EIF2A: variants seen among roughly 807,000 people sequenced by gnomAD.
The protein encoded by EIF2A is 65 kDa eukaryotic translation initiation factor 2A.
In EIF2A, 62 loss-of-function variants were observed where a neutral mutation model predicts 75.2. The observed-to-expected ratio is 0.82, with a 90% confidence interval of 0.67 to 1.02. The LOEUF (loss-of-function observed/expected upper bound fraction) is 1.02, where lower values mean the gene tolerates loss of function less well. EIF2A is among the 50% of genes least tolerant of loss of function. The pLI, the probability that EIF2A is intolerant of heterozygous loss-of-function variation, is 0.00. For synonymous variants in EIF2A, 207 were observed against 239.0 expected (o/e 0.87, Z 1.23); for missense variants, 611 against 677.7 (o/e 0.90, Z 1.09).
intron 12 of EIF2A, among the ~76,000 whole-genome samples, chr3:150,582,321 A>G (rs974378561): frequency 2.1e-5 from 3 of 143,654 alleles, no homozygotes; most frequent in Non-Finnish European, 4.5e-5. Flanking sequence ...ATTTAATTTA[A>G]TTTTTTTTTT....
chr3:150,575,025 A>G (rs921994191), intron 10 of EIF2A, among the ~76,000 whole-genome samples: 1 of 152,224 alleles, frequency 6.6e-6, no homozygotes, highest in Admixed American at 6.5e-5. Flanking sequence ...TATAGTTGTT[A>G]CATGGTTACA....
chr3:150,579,675 AC>A (rs1725060183), intron 11 of EIF2A, among the ~76,000 whole-genome samples: 1 of 150,248 alleles, frequency 6.7e-6, no homozygotes, highest in Non-Finnish European at 1.5e-5. Flanking sequence ...GAATCGTGCC[AC>A]TGCACTCCAG....
chr3:150,549,621 A>AT (rs1445056973), intron 1 of EIF2A, among the ~76,000 whole-genome samples: 2 of 152,126 alleles, frequency 1.3e-5, no homozygotes, highest in Admixed American at 1.3e-4. Flanking sequence ...GAAAGAACAC[A>AT]TTTTTGCCAG....
chr3:150,566,249 T>C (rs1553743831), intron 6 of EIF2A: 1 of 152,234 alleles, frequency 6.6e-6, no homozygotes, highest in South Asian at 2.1e-4. Flanking sequence ...CATTCTAGGA[T>C]TAATTTGTAC....
At chr3:150,558,878 T>TATG (rs1723706505) in intron 3 of EIF2A, 1 of 152,824 alleles carries the variant, frequency 6.5e-6, no homozygotes, top group Admixed American at 6.5e-5. Flanking sequence ...TTATTAGTCT[T>TATG]ATGTATATAA....
chr3:150,572,275 T>C lies in EIF2A; in HGVS notation c.1129T>C (p.Cys377Arg), dbSNP rs202247562. ...PDGEHILTAT[C>R]APRLRVNNGY... The stretch of plus-strand genomic sequence containing the variant: ...TGGTGAGCATATTTTAACAGCTACA[T>C]GTGCTCCCAGGTTACGGGTTAATAA... Residue 377 changes from cysteine (C) to arginine (R), a missense_variant, in exon 10 of 14, where the codon TGT becomes CGT. Transcript: ENST00000460851. The C allele has an allele frequency of 4.0e-4, 648 of 1,613,990 alleles. No homozygotes were observed. Among genetic ancestry groups the C allele is most frequent in the Non-Finnish European group, 5.2e-4 (614 of 1,179,880 alleles).
chr3:150,569,841 A>G (rs1024101668), intron 9 of EIF2A, among the ~76,000 whole-genome samples: 1 of 152,154 alleles, frequency 6.6e-6, no homozygotes, highest in African/African-American at 2.4e-5. Flanking sequence ...GCCAATTGTA[A>G]TTAAGACAGT....
intron 2 of EIF2A, among the ~76,000 whole-genome samples, chr3:150,556,130 G>T (rs1170343991): frequency 6.6e-6 from 1 of 152,170 alleles, no homozygotes; most frequent in Non-Finnish European, 1.5e-5. Flanking sequence ...AACCAGTGGC[G>T]TTAGGAGATG....
rs761518939 is a variant in EIF2A, at chr3:150,572,377, G to T, written c.1231G>T (p.Val411Phe). ...GCCATCAAATGCAGAATTATGGCAG[G>T]TTTCTTGGCAGCCATTTTTGGATGG... ...DVPSNAELWQ[V>F]SWQPFLDGIF... Residue 411 changes from valine (V) to phenylalanine (F), a missense_variant, in exon 10 of 14, where the codon GTT (valine) becomes TTT (phenylalanine). Transcript: ENST00000460851. 1.5e-5 allele frequency: 25 copies of T among 1,613,826 alleles called. No individual in the cohort carries two copies. In the Admixed American group the frequency reaches 3.7e-4, roughly 24 times the overall value.
At chr3:150,573,920 C>T (rs1481869759) in intron 10 of EIF2A, among the ~76,000 whole-genome samples, 3 of 151,990 alleles carry the variant, frequency 2.0e-5, no homozygotes, top group Non-Finnish European at 4.4e-5. Context: ...TTTTAAAATG[C>T]GTTCGTTGGT....
chr3:150,564,936 CT>C (rs2107929287), intron 6 of EIF2A: 1 of 184,574 alleles, frequency 5.4e-6, no homozygotes, highest in African/African-American at 2.4e-5. Flanking sequence ...GTTCAAATTT[CT>C]ACTAATTGCA....
In EIF2A at chr3:150,583,997, T is replaced by G; in HGVS notation, c.*86T>G. The G allele has an allele frequency of 8.1e-7, 1 of 1,236,548 alleles. No homozygotes were observed. The highest frequency in any genetic ancestry group is 1.2e-6 in the Non-Finnish European group (1 of 868,828). The allele number at this position is 1,236,548 out of a possible 1,614,324, so 76.6% of individuals were successfully genotyped here. ...CATTGGTATACACAGAATATTCCTG[T>G]GCCCACACTTAATGTCAATCTATAA... On this transcript the variant is annotated 3_prime_UTR_variant, in exon 14 of 14. Coordinates refer to ENST00000460851, the MANE Select transcript of EIF2A (RefSeq NM_032025.5).
intron 1 of EIF2A, among the ~76,000 whole-genome samples, chr3:150,548,679 C>G (rs1214563854): frequency 6.6e-6 from 1 of 152,202 alleles, no homozygotes; most frequent in African/African-American, 2.4e-5. Flanking sequence ...TCTGTTTAGA[C>G]TATCCTTTTA....
intron 11 of EIF2A, among the ~76,000 whole-genome samples, chr3:150,577,894 C>G (rs1011273374): frequency 6.6e-6 from 1 of 152,048 alleles, no homozygotes; most frequent in African/African-American, 2.4e-5. Flanking sequence ...TTAGAAAAAC[C>G]ATTCTGTTCA....
At chr3:150,563,431 C>T (rs1232644518) in intron 4 of EIF2A, 84 bp from the exon 5 acceptor site, 15 of 1,021,376 alleles carry the variant, frequency 1.5e-5, no homozygotes, top group Non-Finnish European at 2.0e-5. Flanking sequence ...TGATAGTAAT[C>T]CATATCAAAC....
chr3:150,556,228 A>C (rs1190758648), intron 2 of EIF2A, among the ~76,000 whole-genome samples: 1 of 152,178 alleles, frequency 6.6e-6, no homozygotes, highest in Non-Finnish European at 1.5e-5. Context: ...GTACAATCTC[A>C]GTATCACTAA....
chr3:150,558,274 T>G (rs1723670003), intron 2 of EIF2A, 114 bp from the exon 3 acceptor site: 3 of 925,358 alleles, frequency 3.2e-6, no homozygotes, highest in Non-Finnish European at 4.6e-6. Flanking sequence ...TTTCTGAAAT[T>G]TGTGCAAGTT....
At chr3:150,558,209 T>A (rs1026022949) in intron 2 of EIF2A, among the ~76,000 whole-genome samples, 179 bp from the exon 3 acceptor site, 6 of 152,242 alleles carry the variant, frequency 3.9e-5, no homozygotes, top group African/African-American at 1.4e-4. Context: ...CAGCTTACTT[T>A]ACAGTGATAG....
intron 3 of EIF2A, among the ~76,000 whole-genome samples, chr3:150,560,014 G>C (rs2107918225): frequency 6.6e-6 from 1 of 152,096 alleles, no homozygotes; most frequent in East Asian, 1.9e-4. Flanking sequence ...TACCTAATGG[G>C]CTATACTATA....
Sources: allele counts gnomAD v4.1 joint callset (sites outside exome capture counted in the v4.1 genomes callset), GRCh38; gene constraint gnomAD v4.1.1; transcripts MANE v1.5; gene names NCBI Gene and HGNC (gene_info 2026-07-23, HGNC 2026-07-21).